Variants in ERVV-1 observed in about 807,000 individuals in gnomAD.
ERVV-1 encodes the protein endogenous retrovirus group V member 1 Env polyprotein.
For missense variants in ERVV-1, 150 were observed against 456.5 expected (o/e 0.33, Z 6.12); for synonymous variants, 59 against 170.2 (o/e 0.35, Z 5.09).
rs768341701 is a variant in ERVV-1 at position 53,015,343 on chromosome 19, A to G, written c.1253A>G (p.Glu418Gly). ...GTCAATAACAGTGGGGCGATAGAGG[A>G]GGATATAAAAAAGATCTATGATGAG... ...IYVNNSGAIEEDIKKIYDEVT... is the reference protein window; with the variant it reads ...IYVNNSGAIEGDIKKIYDEVT... Residue 418 changes from glutamate to glycine, a missense_variant, in exon 1 of 1, where the codon GAG (glutamate) becomes GGG (glycine). Transcript: ENST00000602168. 2 of 704,928 alleles carry G rather than the reference A, an allele frequency of 2.8e-6. No individual in the cohort carries two copies. Among genetic ancestry groups the G allele is most frequent in the Admixed American group, 2.0e-5 (1 of 49,978 alleles). The allele number at this position is 704,928 out of a possible 1,614,324, so 43.7% of individuals were successfully genotyped here. A position where few individuals can be genotyped will look rare whatever the true frequency, so the allele number is the denominator to read the frequency against.
chr19:53,014,864 TG>T, the ERVV-1 span: 1 of 1,535,308 alleles, frequency 6.5e-7, no homozygotes, highest in Non-Finnish European at 8.7e-7. Context: ...TATTTTTATG[TG>T]GGCCACAAAA....
chr19:53,015,405 G>A lies in ERVV-1; in HGVS notation c.1315G>A (p.Ala439Thr). 1 of 703,332 alleles carries A rather than the reference G, an allele frequency of 1.4e-6. No individual in the cohort carries two copies. The highest frequency in any genetic ancestry group is 2.6e-6 in the Non-Finnish European group (1 of 385,324). The allele number at this position is 703,332 out of a possible 1,614,324, so 43.6% of individuals were successfully genotyped here. ...WLHNFGKGDSAGSIWEAVKSA... is the reference protein window; with the variant it reads ...WLHNFGKGDSTGSIWEAVKSA... ...CCATAACTTTGGAAAAGGTGATTCAGCAGGGTCCATTTGGGAGGCTGTGAA... is the reference window on the plus strand; with the variant it reads ...CCATAACTTTGGAAAAGGTGATTCAACAGGGTCCATTTGGGAGGCTGTGAA... The change falls in exon 1 of 1, where the codon GCA (alanine) becomes ACA (threonine). Residue 439 changes from alanine (A) to threonine (T), a missense_variant. Transcript: ENST00000602168.
At position 53,014,979 on chromosome 19, in the gene ERVV-1, G is replaced by A; in HGVS notation, c.889G>A (p.Ala297Thr). ...TAACATCCAACATACGGGAGAATGT[G>A]CTGTGGGACTTTTGGGACCACGGGG... ...INNIQHTGEC[A>T]VGLLGPRGIG... The change falls in exon 1 of 1, where the codon GCT (alanine) becomes ACT (threonine). Residue 297 changes from alanine to threonine, a missense_variant. Coordinates refer to ENST00000602168, the MANE Select transcript of ERVV-1 (RefSeq NM_152473.3). 6.5e-7 allele frequency: 1 copy of A among 1,535,574 alleles called. No homozygotes were observed. Among genetic ancestry groups the A allele is most frequent in the South Asian group, 1.2e-5 (1 of 84,010 alleles).
chr19:53,015,519 C>G lies in ERVV-1; in HGVS notation c.1429C>G (p.Leu477Val). 4.7e-6 allele frequency: 3 copies of G among 636,992 alleles called. No individual in the cohort carries two copies. The highest frequency in any genetic ancestry group is 8.4e-6 in the Non-Finnish European group (3 of 356,848). 39.5% of individuals were successfully genotyped at this position (636,992 alleles called of 1,614,324 possible). A position where few individuals can be genotyped will look rare whatever the true frequency, so the allele number is the denominator to read the frequency against. Residue 477 changes from leucine (L) to valine (V), a missense_variant, in exon 1 of 1, where the codon CTA (leucine) becomes GTA (valine). By Grantham distance (32) the Leu-to-Val change is conservative. Transcript: ENST00000602168. The stretch of plus-strand genomic sequence containing the variant: ...GCTTTCTCCTCTTTGGCCCTTGTCT[C>G]TATAATTCACTAATTAAATATGTCT... ...SLLSPLWPLS[L>V]
chr19:53,015,464 T>C lies in ERVV-1; in HGVS notation c.1374T>C (p.Pro458=), dbSNP rs575051596. The change falls in exon 1 of 1, where the codon CCT becomes CCC. Residue 458 remains proline, a synonymous_variant. Transcript: ENST00000602168. ...SALPSLTWFV[P]LLGPAALNSL... ...TCCCCTCCCTCACATGGTTTGTCCC[T>C]TTACTGGGACCAGCTGCACTTAATA... 7.5e-4 allele frequency: 527 copies of C among 699,002 alleles called. 1 individual carries two copies. Among genetic ancestry groups the C allele is most frequent in the Non-Finnish European group, 1.1e-3 (412 of 383,296 alleles). 43.3% of individuals were successfully genotyped at this position (699,002 alleles called of 1,614,324 possible).
chr19:53,016,040 G>A lies in ERVV-1; in HGVS notation c.*516G>A, dbSNP rs2083786969. ...CCAGCCAGAGGTTACCAAGGTAGGA[G>A]CTATTCCCCACTAAGAAGCATGTAT... On this transcript the variant is annotated 3_prime_UTR_variant, in exon 1 of 1. Coordinates refer to ENST00000602168, the MANE Select transcript of ERVV-1 (RefSeq NM_152473.3). The A allele has an allele frequency of 6.5e-6, 1 of 154,720 alleles. No homozygotes were observed. The highest frequency in any genetic ancestry group is 2.4e-5 in the African/African-American group (1 of 41,486). 9.6% of individuals were successfully genotyped at this position (154,720 alleles called of 1,614,324 possible). A position where few individuals can be genotyped will look rare whatever the true frequency, so the allele number is the denominator to read the frequency against.
At position 53,015,916 on chromosome 19, in the gene ERVV-1, C is replaced by T. The variant is rs577123832; in HGVS notation, c.*392C>T. On this transcript the variant is annotated 3_prime_UTR_variant, in exon 1 of 1. Coordinates refer to ENST00000602168, the MANE Select transcript of ERVV-1 (RefSeq NM_152473.3). ...AGCCCGCTGATGGCCTCCTTGGAAA[C>T]GCTGCACGCTGAGTCAGCAAAAGGA... is the stretch of plus-strand genomic sequence containing the variant. 45 of 176,190 alleles carry T rather than the reference C, an allele frequency of 2.6e-4. No individual in the cohort carries two copies. Among genetic ancestry groups the T allele is most frequent in the African/African-American group, 8.8e-4 (37 of 42,090 alleles). 10.9% of individuals were successfully genotyped at this position (176,190 alleles called of 1,614,324 possible).
At position 53,015,173 on chromosome 19, in the gene ERVV-1, G is replaced by A. The variant is rs572902102; in HGVS notation, c.1083G>A (p.Lys361=). 439 of 742,714 alleles carry A rather than the reference G, an allele frequency of 5.9e-4. 1 individual carries two copies. The African/African-American group carries it at 6.1e-3, about 10-fold the overall frequency. 46.0% of individuals were successfully genotyped at this position (742,714 alleles called of 1,614,324 possible). The change falls in exon 1 of 1, where the codon AAG becomes AAA. Residue 361 remains lysine (K), a synonymous_variant. Transcript: ENST00000602168. ...NLSRQIDNIA[K]STRDSISKLK... Reference sequence around the variant, plus strand: ...CCAGACAAATAGACAACATAGCTAAGAGTACCAGAGATAGCATCTCTAAAC... The same window carrying A: ...CCAGACAAATAGACAACATAGCTAAAAGTACCAGAGATAGCATCTCTAAAC...
At position 53,015,659 on chromosome 19, in the gene ERVV-1, A is replaced by C; in HGVS notation, c.*135A>C. 1.7e-6 allele frequency: 1 copy of C among 576,374 alleles called. No homozygotes were observed. The highest frequency in any genetic ancestry group is 3.0e-6 in the Non-Finnish European group (1 of 328,066). The allele number at this position is 576,374 out of a possible 1,614,324, so 35.7% of individuals were successfully genotyped here. ...ATATCTCCCTTGGATGCCAGTGGGC[A>C]AAGATTCTGCAACTACGGAGGGGCT... is the stretch of plus-strand genomic sequence containing the variant. On this transcript the variant is annotated 3_prime_UTR_variant, in exon 1 of 1. Transcript: ENST00000602168.
At position 53,015,508 on chromosome 19, in the gene ERVV-1, G is replaced by C. The variant is rs2122256768; in HGVS notation, c.1418G>C (p.Trp473Ser). ...AALNSLLSPL[W>S]PLSL ...CTTAATAGCCTGCTTTCTCCTCTTT[G>C]GCCCTTGTCTCTATAATTCACTAAT... The change falls in exon 1 of 1, where the codon TGG (tryptophan) becomes TCG (serine). Residue 473 changes from tryptophan to serine, a missense_variant. Coordinates refer to ENST00000602168, the MANE Select transcript of ERVV-1 (RefSeq NM_152473.3). 1 of 661,190 alleles carries C rather than the reference G, an allele frequency of 1.5e-6. No homozygotes were observed. Among genetic ancestry groups the C allele is most frequent in the East Asian group, 2.7e-5 (1 of 37,026 alleles). 41.0% of individuals were successfully genotyped at this position (661,190 alleles called of 1,614,324 possible). A position where few individuals can be genotyped will look rare whatever the true frequency, so the allele number is the denominator to read the frequency against.
rs1661940 is a variant in ERVV-1, at chr19:53,015,374, G to T, written c.1284G>T (p.Thr428=). 4.3e-6 allele frequency: 3 copies of T among 703,828 alleles called. No individual in the cohort carries two copies. Among genetic ancestry groups the T allele is most frequent in the Non-Finnish European group, 7.8e-6 (3 of 385,908 alleles). The allele number at this position is 703,828 out of a possible 1,614,324, so 43.6% of individuals were successfully genotyped here. A position where few individuals can be genotyped will look rare whatever the true frequency, so the allele number is the denominator to read the frequency against. The stretch of plus-strand genomic sequence containing the variant: ...TAAAAAAGATCTATGATGAGGTTAC[G>T]TGGCTCCATAACTTTGGAAAAGGTG... ...EDIKKIYDEV[T]WLHNFGKGDS... Residue 428 remains threonine, a synonymous_variant, in exon 1 of 1, where the codon ACG becomes ACT. Transcript: ENST00000602168.
At position 53,015,953 on chromosome 19, in the gene ERVV-1, A is replaced by AC; in HGVS notation, c.*430dup. The AC allele has an allele frequency of 4.8e-5, 8 of 167,794 alleles. No individual in the cohort carries two copies. The highest frequency in any genetic ancestry group is 1.9e-4 in the South Asian group (1 of 5,298). The allele number at this position is 167,794 out of a possible 1,614,324, so 10.4% of individuals were successfully genotyped here. A position where few individuals can be genotyped will look rare whatever the true frequency, so the allele number is the denominator to read the frequency against. On this transcript the variant is annotated 3_prime_UTR_variant, in exon 1 of 1. Coordinates refer to ENST00000602168, the MANE Select transcript of ERVV-1 (RefSeq NM_152473.3). Reference sequence around the variant, plus strand: ...AGTCAGCAAAAGGAGGAGCGTGGCTACACTGGCTACACCTGGCCTTGTGGC... The same window carrying AC: ...AGTCAGCAAAAGGAGGAGCGTGGCTACCACTGGCTACACCTGGCCTTGTGGC...
Position 53,014,950 on chromosome 19 carries a change from T to G in ERVV-1, c.860T>G (p.Ile287Ser). ...TPPVANLYTC[I>S]NNIQHTGECA... is the part of the protein sequence containing the mutation. Reference sequence around the variant, plus strand: ...CCTGTGGCAAACCTCTACACTTGCATTAATAACATCCAACATACGGGAGAA... The same window carrying G: ...CCTGTGGCAAACCTCTACACTTGCAGTAATAACATCCAACATACGGGAGAA... The change falls in exon 1 of 1, where the codon ATT becomes AGT. Residue 287 changes from isoleucine (I) to serine (S), a missense_variant. Coordinates refer to ENST00000602168, the MANE Select transcript of ERVV-1 (RefSeq NM_152473.3). The G allele has an allele frequency of 6.5e-7, 1 of 1,535,822 alleles. No individual in the cohort carries two copies. The highest frequency in any genetic ancestry group is 1.2e-5 in the South Asian group (1 of 84,048).
rs1315636520 is a variant in ERVV-1, at chr19:53,016,105, T to C, written c.*581T>C. 2 of 152,382 alleles carry C rather than the reference T, an allele frequency of 1.3e-5. No homozygotes were observed. The highest frequency in any genetic ancestry group is 2.1e-4 in the South Asian group (1 of 4,834). The allele number at this position is 152,382 out of a possible 1,614,324, so 9.4% of individuals were successfully genotyped here. On this transcript the variant is annotated 3_prime_UTR_variant, in exon 1 of 1. Transcript: ENST00000602168. ...TCACCCTAATATACCATTTTGTTCATTAAAATAATAAAAAAAACCACACAC... is the reference window on the plus strand; with the variant it reads ...TCACCCTAATATACCATTTTGTTCACTAAAATAATAAAAAAAACCACACAC...
rs1054966085 is a variant in ERVV-1, at chr19:53,014,978, T to C, written c.888T>C (p.Cys296=). ...ATAACATCCAACATACGGGAGAATG[T>C]GCTGTGGGACTTTTGGGACCACGGG... ...CINNIQHTGE[C]AVGLLGPRGI... The change falls in exon 1 of 1, where the codon TGT becomes TGC. Residue 296 remains cysteine (C), a synonymous_variant. Coordinates refer to ENST00000602168, the MANE Select transcript of ERVV-1 (RefSeq NM_152473.3). The C allele has an allele frequency of 1.7e-5, 26 of 1,535,502 alleles. No homozygotes were observed. The highest frequency in any genetic ancestry group is 2.3e-5 in the Non-Finnish European group (26 of 1,146,682).
chr19:53,015,322 A>C lies in ERVV-1; in HGVS notation c.1232A>C (p.Asn411Thr). 2 of 706,566 alleles carry C rather than the reference A, an allele frequency of 2.8e-6. No individual in the cohort carries two copies. Among genetic ancestry groups the C allele is most frequent in the Non-Finnish European group, 5.2e-6 (2 of 388,342 alleles). 43.8% of individuals were successfully genotyped at this position (706,566 alleles called of 1,614,324 possible). The change falls in exon 1 of 1, where the codon AAT becomes ACT. Residue 411 changes from asparagine to threonine, a missense_variant. Asn to Thr is a moderately conservative substitution (Grantham distance 65, BLOSUM62 0). Transcript: ENST00000602168. ...AGTAAATCCTGTTGCATTTATGTCA[A>C]TAACAGTGGGGCGATAGAGGAGGAT... ...VISKSCCIYV[N>T]NSGAIEEDIK...
rs1033575423 is a variant in ERVV-1 at position 53,013,957 on chromosome 19, C to T, written c.-134C>T. On this transcript the variant is annotated 5_prime_UTR_variant, in exon 1 of 1. Coordinates refer to ENST00000602168, the MANE Select transcript of ERVV-1 (RefSeq NM_152473.3). ...CGGTTCTTCTCCTTATTTTGACCCA[C>T]ACTGGCATGCCACCTGAAGTCCCGA... 1.4e-6 allele frequency: 2 copies of T among 1,392,902 alleles called. No homozygotes were observed. The highest frequency in any genetic ancestry group is 1.5e-5 in the African/African-American group (1 of 68,776). The allele number at this position is 1,392,902 out of a possible 1,614,324, so 86.3% of individuals were successfully genotyped here.
chr19:53,015,910 TG>T lies in ERVV-1; in HGVS notation c.*388del, dbSNP rs2083786466. On this transcript the variant is annotated 3_prime_UTR_variant, in exon 1 of 1. Coordinates refer to ENST00000602168, the MANE Select transcript of ERVV-1 (RefSeq NM_152473.3). ...AAATGCAGCCCGCTGATGGCCTCCT[TG>T]GAAACGCTGCACGCTGAGTCAGCAA... 3 of 179,834 alleles carry T rather than the reference TG, an allele frequency of 1.7e-5. No individual in the cohort carries two copies. Among genetic ancestry groups the T allele is most frequent in the Admixed American group, 1.2e-4 (2 of 17,064 alleles). The allele number at this position is 179,834 out of a possible 1,614,324, so 11.1% of individuals were successfully genotyped here.
At position 53,015,412 on chromosome 19, in the gene ERVV-1, C is replaced by T. The variant is rs1347373006; in HGVS notation, c.1322C>T (p.Ser441Phe). The change falls in exon 1 of 1, where the codon TCC (serine) becomes TTC (phenylalanine). Residue 441 changes from serine (S) to phenylalanine (F), a missense_variant. Ser to Phe is a radical substitution (Grantham distance 155). Coordinates refer to ENST00000602168, the MANE Select transcript of ERVV-1 (RefSeq NM_152473.3). Reference protein sequence around the residue: ...HNFGKGDSAGSIWEAVKSALP... With the variant: ...HNFGKGDSAGFIWEAVKSALP... ...TTTGGAAAAGGTGATTCAGCAGGGT[C>T]CATTTGGGAGGCTGTGAAGTCTGCC... is the stretch of plus-strand genomic sequence containing the variant. 1 of 703,164 alleles carries T rather than the reference C, an allele frequency of 1.4e-6. No individual in the cohort carries two copies. The highest frequency in any genetic ancestry group is 2.6e-6 in the Non-Finnish European group (1 of 385,200). 43.6% of individuals were successfully genotyped at this position (703,164 alleles called of 1,614,324 possible). A position where few individuals can be genotyped will look rare whatever the true frequency, so the allele number is the denominator to read the frequency against.
Sources: gnomAD v4.1 joint callset for allele counts on GRCh38, gnomAD v4.1.1 for gene constraint, MANE v1.5 for transcripts, NCBI Gene and HGNC (gene_info 2026-07-23, HGNC 2026-07-21) for gene names.